The following PRCP variants were observed in gnomAD, a reference collection of about 807,000 sequenced individuals.
PRCP encodes the protein prolylcarboxypeptidase.
PRCP carries 46 observed loss-of-function variants against 54.2 expected under a neutral mutation model. The observed-to-expected ratio is 0.85, with a 90% confidence interval of 0.67 to 1.09. The LOEUF (loss-of-function observed/expected upper bound fraction) is 1.09, where lower values mean the gene tolerates loss of function less well. PRCP is among the 50% of genes least tolerant of loss of function. PRCP has a pLI of 0.00. For synonymous variants in PRCP, 240 were observed against 212.2 expected (o/e 1.13, Z -1.14); for missense variants, 613 against 596.8 (o/e 1.03, Z -0.28).
At chr11:82,851,339 G>T (rs930583023) in intron 3 of PRCP, among the ~76,000 whole-genome samples, 1 of 151,716 alleles carries the variant, frequency 6.6e-6, no homozygotes, top group East Asian at 1.9e-4. Flanking sequence ...GACTACCAAG[G>T]TTAGGTCATT....
chr11:82,838,292 T>G (rs940212857), intron 8 of PRCP, 95 bp downstream of exon 8: 1 of 1,169,252 alleles, frequency 8.6e-7, no homozygotes, highest in Non-Finnish European at 1.2e-6. Flanking sequence ...TATTCTATGT[T>G]GTTATATTGT....
At chr11:82,857,273 TAAGC>T (rs999856675) in intron 2 of PRCP, among the ~76,000 whole-genome samples, 10 of 152,370 alleles carry the variant, frequency 6.6e-5, no homozygotes, top group Admixed American at 5.9e-4. Context: ...GGCACTGTTC[TAAGC>T]ATTTCATATG....
In PRCP at chr11:82,849,937, G is replaced by A. The variant is rs750507428; in HGVS notation, c.728C>T (p.Ala243Val). Residue 243 changes from alanine (A) to valine (V), a missense_variant, in exon 5 of 9, where the codon GCC becomes GTC. Ala to Val is a moderately conservative substitution (Grantham distance 64). Coordinates refer to ENST00000313010, the MANE Select transcript of PRCP (RefSeq NM_005040.4). ...ACCAGTATTTGAGAGTCGATTAATGGCATCCCAGGACCTGTGGATGCTCTC... is the reference window on the plus strand; with the variant it reads ...ACCAGTATTTGAGAGTCGATTAATGACATCCCAGGACCTGTGGATGCTCTC... Reference protein sequence around the residue: ...CSESIHRSWDAINRLSNTGSG... With the variant: ...CSESIHRSWDVINRLSNTGSG... 2.0e-6 allele frequency: 3 copies of A among 1,511,916 alleles called. No homozygotes were observed. Among genetic ancestry groups the A allele is most frequent in the South Asian group, 1.4e-5 (1 of 73,648 alleles). 93.7% of individuals were successfully genotyped at this position (1,511,916 alleles called of 1,614,324 possible).
intron 1 of PRCP, among the ~76,000 whole-genome samples, chr11:82,883,004 C>T (rs538543198): frequency 6.6e-5 from 10 of 152,228 alleles, no homozygotes; most frequent in African/African-American, 2.2e-4. Flanking sequence ...TAGTACAATA[C>T]TGGCAGACTG....
At chr11:82,881,482 G>A (rs368196012) in intron 1 of PRCP, among the ~76,000 whole-genome samples, 146 of 152,300 alleles carry the variant, frequency 9.6e-4, no homozygotes, top group African/African-American at 3.3e-3. Flanking sequence ...CTGAGTCAGC[G>A]GGGAAGGTTT....
intron 1 of PRCP, among the ~76,000 whole-genome samples, chr11:82,867,299 T>C (rs956467976): frequency 1.3e-4 from 20 of 152,224 alleles, no homozygotes; most frequent in Non-Finnish European, 2.4e-4. Flanking sequence ...TAATAACCTT[T>C]CTTTCCTCAA....
At chr11:82,876,478 C>T (rs760546967) in intron 1 of PRCP, among the ~76,000 whole-genome samples, 1 of 152,132 alleles carries the variant, frequency 6.6e-6, no homozygotes, top group Admixed American at 6.5e-5. Context: ...TGCTGTGTCC[C>T]CACCCAAATC....
intron 6 of PRCP, 28 bp from the exon 7 acceptor site, chr11:82,839,453 A>C: frequency 6.3e-7 from 1 of 1,578,988 alleles, no homozygotes; most frequent in South Asian, 1.1e-5. Flanking sequence ...TAAATGGGGA[A>C]AGAGTCAGAA....
chr11:82,901,087 C>G (rs376753443), upstream of PRCP: 25 of 362,882 alleles, frequency 6.9e-5, no homozygotes, highest in Non-Finnish European at 1.1e-4. Flanking sequence ...CGTCGCAGAC[C>G]GCTGGGTCCA....
At chr11:82,879,446 T>C (rs1373647792) in intron 1 of PRCP, among the ~76,000 whole-genome samples, 1 of 152,206 alleles carries the variant, frequency 6.6e-6, no homozygotes, top group Non-Finnish European at 1.5e-5. Context: ...TTTTTCCAGG[T>C]TGTTAGCTTC....
intron 1 of PRCP, among the ~76,000 whole-genome samples, chr11:82,899,131 G>C (rs1216585132): frequency 6.6e-6 from 1 of 152,264 alleles, no homozygotes; most frequent in Non-Finnish European, 1.5e-5. Flanking sequence ...GGCTGATGCA[G>C]AAGGATTATT....
intron 8 of PRCP, chr11:82,836,560 G>GT (rs916500785): frequency 5.3e-5 from 8 of 151,964 alleles, no homozygotes; most frequent in African/African-American, 1.5e-4. Context: ...TTGTTTGTTT[G>GT]TTTTTTGAGA....
chr11:82,888,167 C>T (rs1859912658), intron 1 of PRCP, among the ~76,000 whole-genome samples: 1 of 152,276 alleles, frequency 6.6e-6, no homozygotes, highest in African/African-American at 2.4e-5. Flanking sequence ...AGTATCGCAC[C>T]TTTCTGCCCA....
chr11:82,897,997 G>A (rs1271598347), intron 1 of PRCP, among the ~76,000 whole-genome samples: 1 of 152,100 alleles, frequency 6.6e-6, no homozygotes, highest in Non-Finnish European at 1.5e-5. Context: ...TTACTAGAAG[G>A]CATCAAAGTA....
chr11:82,881,217 G>A (rs1859741245), intron 1 of PRCP, among the ~76,000 whole-genome samples: 1 of 152,206 alleles, frequency 6.6e-6, no homozygotes, highest in Non-Finnish European at 1.5e-5. Context: ...CAGCAACCAA[G>A]TTACAGAATT....
intron 8 of PRCP, 148 bp from the exon 9 acceptor site, chr11:82,825,270 A>G: frequency 2.9e-6 from 2 of 696,570 alleles, no homozygotes; most frequent in Non-Finnish European, 4.7e-6. Flanking sequence ...AATTTATCAT[A>G]TGGATAGATA....
chr11:82,896,405 T>C (rs911006057), intron 1 of PRCP, among the ~76,000 whole-genome samples: 6 of 152,174 alleles, frequency 3.9e-5, no homozygotes, highest in Non-Finnish European at 5.9e-5. Context: ...AAGGCCTTAA[T>C]AGAACAAAGT....
At chr11:82,889,379 A>G (rs769538856) in intron 1 of PRCP, among the ~76,000 whole-genome samples, 1 of 151,820 alleles carries the variant, frequency 6.6e-6, no homozygotes, top group Non-Finnish European at 1.5e-5. Context: ...AAAAACCAAC[A>G]AAATAAAAAA....
chr11:82,873,513 A>G (rs1859528366), intron 1 of PRCP, among the ~76,000 whole-genome samples: 1 of 152,206 alleles, frequency 6.6e-6, no homozygotes, highest in African/African-American at 2.4e-5. Context: ...AAACCTATTC[A>G]AGAAATTGAT....
Sources: allele counts gnomAD v4.1 joint callset (sites outside exome capture counted in the v4.1 genomes callset), GRCh38; gene constraint gnomAD v4.1.1; transcripts MANE v1.5; gene names NCBI Gene and HGNC (gene_info 2026-07-23, HGNC 2026-07-21).